Variants in COL5A1 observed in about 807,000 individuals in gnomAD.
The protein encoded by COL5A1 is collagen alpha-1(V) chain.
Under a neutral mutation model 263.7 loss-of-function variants are expected in COL5A1, and 16 were observed. The observed-to-expected ratio is 0.06, with a 90% CI of 0.04 to 0.09. The LOEUF is 0.09. Among genes scored for constraint, COL5A1 ranks in the 10% least tolerant of loss-of-function variants. The pLI is 1.00. For missense variants in COL5A1, 2,036 were observed against 2,540.5 expected (o/e 0.80, Z 4.27); for synonymous variants, 1,012 against 1,004.5 (o/e 1.01, Z -0.14).
rs1398637453 is a variant in COL5A1, at chr9:134,720,147, G to A, written c.655-7119G>A. Among the ~76,000 whole-genome samples the A allele has an allele frequency of 4.6e-5, 7 of 152,188 alleles. 1 individual carries two copies. The highest frequency in any genetic ancestry group is 1.3e-4 in the Admixed American group (2 of 15,286). On this transcript the variant is annotated intron_variant, in intron 4 of 65. Transcript: ENST00000371817. ...CACTGGGCAATTCTGACCTACAGCC[G>A]GCCTCTTAGAGACCCAGGGTTGGGT...
At chr9:134,744,367 A>G (rs982203001) in intron 11 of COL5A1, among the ~76,000 whole-genome samples, 3 of 151,898 alleles carry the variant, frequency 2.0e-5, no homozygotes, top group South Asian at 4.1e-4. Flanking sequence ...TCATGCATAC[A>G]TGCCCACACA....
chr9:134,660,594 C>T (rs919734320), intron 1 of COL5A1, among the ~76,000 whole-genome samples: 12 of 152,214 alleles, frequency 7.9e-5, no homozygotes, highest in Non-Finnish European at 1.6e-4. Flanking sequence ...GGAGTGGTGC[C>T]CCTGGAGGTT....
At chr9:134,740,109 G>A (rs981989900) in intron 11 of COL5A1, among the ~76,000 whole-genome samples, 1 of 152,204 alleles carries the variant, frequency 6.6e-6, no homozygotes, top group Non-Finnish European at 1.5e-5. Flanking sequence ...AACAGAGTGG[G>A]GTGGGGGCTT....
intron 4 of COL5A1, among the ~76,000 whole-genome samples, chr9:134,703,234 A>G (rs1341646615): frequency 6.6e-6 from 1 of 152,152 alleles, no homozygotes; most frequent in African/African-American, 2.4e-5. Flanking sequence ...CAGATTTTGC[A>G]AGCTATTGAG....
chr9:134,757,326 C>T lies in COL5A1; in HGVS notation c.1881+508C>T, dbSNP rs140368628. ...TGTGCTCAGTGTATCCACCCCTCTG[C>T]CCCAGCACTGCTGTGAGCATTGCCC... On this transcript the variant is annotated intron_variant, in intron 17 of 65. Coordinates refer to ENST00000371817, the MANE Select transcript of COL5A1 (RefSeq NM_000093.5). The surrounding 1 kb of genome is among the most constrained non-coding windows in gnomAD (Gnocchi z 6.2). Among the ~76,000 whole-genome samples the T allele has an allele frequency of 4.8e-3, 736 of 152,288 alleles. 7 individuals are homozygous for T. The highest frequency in any genetic ancestry group is 0.017 in the African/African-American group (695 of 41,554).
At chr9:134,800,284 AG>A (rs137940162) in intron 37 of COL5A1, among the ~76,000 whole-genome samples, 9,789 of 152,162 alleles carry the variant, frequency 0.064, 655 homozygotes, top group African/African-American at 0.17. Context: ...ATCTCCCTTC[AG>A]GCTCTTGAGC....
At chr9:134,731,697 TTGGGGGGCTGGTGGGGC>T in intron 8 of COL5A1, 34 bp downstream of exon 8, 2 of 1,589,752 alleles carry the variant, frequency 1.3e-6, no homozygotes, top group Non-Finnish European at 1.7e-6. Flanking sequence ...CCGGGTGGGG[TTGGGGGGCTGGTGGGGC>T]ATCATGGGGG....
intron 54 of COL5A1, 53 bp downstream of exon 54, chr9:134,817,884 C>A: frequency 6.5e-7 from 1 of 1,532,686 alleles, no homozygotes; most frequent in Non-Finnish European, 8.9e-7. Flanking sequence ...CCAGGGGAGC[C>A]CAGAGGGTGG....
intron 16 of COL5A1, 67 bp from the exon 17 acceptor site, chr9:134,756,698 C>A: frequency 6.5e-7 from 1 of 1,539,668 alleles, no homozygotes; most frequent in Non-Finnish European, 9.0e-7. Context: ...TAACGGAAAA[C>A]CATGGCCCGG....
chr9:134,815,482 A>G, intron 50 of COL5A1, 94 bp from the exon 51 acceptor site: 1 of 1,245,018 alleles, frequency 8.0e-7, no homozygotes. Flanking sequence ...GGACGGTGGC[A>G]GGTGGCCATC....
intron 2 of COL5A1, 103 bp from the exon 3 acceptor site, chr9:134,699,806 A>G: frequency 8.7e-7 from 1 of 1,149,730 alleles, no homozygotes; most frequent in South Asian, 1.2e-5. Flanking sequence ...GACGGGCAGC[A>G]CAGCTTCCCA....
intron 2 of COL5A1, chr9:134,691,450 A>G: frequency 3.3e-6 from 1 of 299,638 alleles, no homozygotes; most frequent in South Asian, 4.3e-5. Flanking sequence ...GTCGTGGGAA[A>G]GGAAGCACTT....
chr9:134,730,244 C>T lies in COL5A1; in HGVS notation c.933C>T (p.Thr311=). The T allele has an allele frequency of 6.2e-7, 1 of 1,613,762 alleles. No homozygotes were observed. The highest frequency in any genetic ancestry group is 8.5e-7 in the Non-Finnish European group (1 of 1,180,020). ...KETTEVPEEL[T]PTPTEAAPMP... ...CTGTCCTTGGCTCCCAGGAGCTGAC[C>T]CCGACCCCCACGGAAGCTGCTCCCA... The change falls in exon 7 of 66, where the codon ACC becomes ACT. Residue 311 remains threonine (T), a synonymous_variant. Coordinates refer to ENST00000371817, the MANE Select transcript of COL5A1 (RefSeq NM_000093.5).
chr9:134,829,697 C>A lies in COL5A1; in HGVS notation c.5068-279C>A, dbSNP rs55906519. On this transcript the variant is annotated intron_variant, in intron 63 of 65. Transcript: ENST00000371817. ...TTCAGTCTCCCCAAGGGCTGGGGCC[C>A]GGCTCCTCACGTGGCCTCTAGTCTC... Among the ~76,000 whole-genome samples the A allele has an allele frequency of 0.31, 46,955 of 149,106 alleles. 7,508 individuals are homozygous for A. The highest frequency in any genetic ancestry group is 0.35 in the African/African-American group (13,922 of 39,746).
chr9:134,756,405 G>A (rs1263384782), intron 16 of COL5A1, among the ~76,000 whole-genome samples: 5 of 152,224 alleles, frequency 3.3e-5, no homozygotes, highest in Middle Eastern at 3.2e-3. Flanking sequence ...GCACTCGCCT[G>A]AGTCCTAAAT....
rs1837866879 is a variant in COL5A1 at position 134,795,375 on chromosome 9, A to G, written c.2799+60A>G. On this transcript the variant is annotated intron_variant, in intron 34 of 65. Transcript: ENST00000371817. ...GAACCCAAGTTGCAAGGCTACAGAGACGTGGAGCGTCTGAGGGTGTCTGTG... is the reference window on the plus strand; with the variant it reads ...GAACCCAAGTTGCAAGGCTACAGAGGCGTGGAGCGTCTGAGGGTGTCTGTG... The G allele has an allele frequency of 4.8e-6, 7 of 1,462,812 alleles. 1 individual carries two copies. The highest frequency in any genetic ancestry group is 4.2e-5 in the African/African-American group (3 of 71,722). The allele number at this position is 1,462,812 out of a possible 1,614,324, so 90.6% of individuals were successfully genotyped here.
chr9:134,679,404 TA>T (rs1301062684), intron 1 of COL5A1, among the ~76,000 whole-genome samples: 1 of 69,162 alleles, frequency 1.4e-5, no homozygotes, highest in African/African-American at 5.5e-5. Flanking sequence ...TGGGGCTTCT[TA>T]GGGGGCACTG....
intron 4 of COL5A1, among the ~76,000 whole-genome samples, chr9:134,724,043 C>A (rs1237772108): frequency 6.6e-6 from 1 of 152,094 alleles, no homozygotes; most frequent in Non-Finnish European, 1.5e-5. Context: ...CCTCGCACCA[C>A]TCCCTCCCCT....
rs763908264 is a variant in COL5A1, at chr9:134,750,862, G to A, written c.1642G>A (p.Ala548Thr). The change falls in exon 13 of 66, where the codon GCC (alanine) becomes ACC (threonine). Residue 548 changes from alanine (A) to threonine (T), a missense_variant. By Grantham distance (58) the Ala-to-Thr change is moderately conservative (BLOSUM62 0). Coordinates refer to ENST00000371817, the MANE Select transcript of COL5A1 (RefSeq NM_000093.5). ...CTCAGCCCAGGAGTCCCAGGCGCAA[G>A]CCATTCTCCAGCAGGCCAGGGTGAG... is the stretch of plus-strand genomic sequence containing the variant. ...MVSAQESQAQAILQQARLALR... is the reference protein window; with the variant it reads ...MVSAQESQAQTILQQARLALR... The A allele has an allele frequency of 1.2e-6, 2 of 1,613,226 alleles. No homozygotes were observed. The highest frequency in any genetic ancestry group is 1.7e-6 in the Non-Finnish European group (2 of 1,179,990).
Sources: gnomAD v4.1 joint callset for allele counts (sites outside exome capture counted in the v4.1 genomes callset) on GRCh38, gnomAD v4.1.1 for gene constraint, Gnocchi (gnomAD v3.1) non-coding constraint, MANE v1.5 for transcripts, NCBI Gene and HGNC (gene_info 2026-07-23, HGNC 2026-07-21) for gene names.